SAMMSON: variants seen among roughly 807,000 people sequenced by gnomAD.
The protein encoded by SAMMSON is long intergenic non-protein coding RNA 1212.
chr3:70,270,897 T>G (rs1186054853), intron 6 of SAMMSON, among the ~76,000 whole-genome samples: 1 of 152,068 alleles, frequency 6.6e-6, no homozygotes, highest in Non-Finnish European at 1.5e-5. Flanking sequence ...GATGGGGGTC[T>G]AGGCAAGGGA....
intron 2 of SAMMSON, among the ~76,000 whole-genome samples, chr3:70,417,714 G>A (rs1343878258): frequency 2.0e-5 from 3 of 151,876 alleles, no homozygotes; most frequent in Non-Finnish European, 4.4e-5. Flanking sequence ...GTAACTCAAG[G>A]TCTTCATGAT....
intron 3 of SAMMSON, among the ~76,000 whole-genome samples, chr3:70,037,062 G>A (rs2067088053): frequency 6.6e-6 from 1 of 152,028 alleles, no homozygotes; most frequent in Admixed American, 6.6e-5. Flanking sequence ...ACAGGAGGAT[G>A]TGGTATGTTT....
intron 4 of SAMMSON, among the ~76,000 whole-genome samples, chr3:70,084,386 G>C (rs1050824209): frequency 2.0e-5 from 3 of 152,176 alleles, no homozygotes; most frequent in African/African-American, 7.2e-5. Flanking sequence ...TCTTTCATTA[G>C]GAGCGTCTAA....
intron 9 of SAMMSON, among the ~76,000 whole-genome samples, chr3:70,383,886 G>A (rs533554131): frequency 1.3e-5 from 2 of 152,042 alleles, no homozygotes; most frequent in South Asian, 4.2e-4. Context: ...CATGCTTTCT[G>A]CTGTGAATTT....
intron 9 of SAMMSON, among the ~76,000 whole-genome samples, chr3:70,374,939 T>C (rs1036676360): frequency 2.0e-5 from 3 of 152,156 alleles, no homozygotes; most frequent in Admixed American, 1.3e-4. Context: ...TCTTAACCCT[T>C]CAACATTTCT....
chr3:70,297,566 T>C (rs892252843), intron 7 of SAMMSON, among the ~76,000 whole-genome samples: 2 of 152,140 alleles, frequency 1.3e-5, no homozygotes, highest in African/African-American at 4.8e-5. Context: ...TGTGGAGCAA[T>C]ATGTATATTT....
chr3:70,133,940 G>T (rs551285188), intron 4 of SAMMSON, among the ~76,000 whole-genome samples: 1 of 151,998 alleles, frequency 6.6e-6, no homozygotes, highest in East Asian at 1.9e-4. Flanking sequence ...CTTGCTAGGT[G>T]GTTGTAAAAT....
chr3:70,005,352 G>A (rs1232902174), intron 1 of SAMMSON, among the ~76,000 whole-genome samples: 1 of 139,908 alleles, frequency 7.1e-6, no homozygotes, highest in African/African-American at 2.6e-5. Context: ...CAGTTCTTCT[G>A]TTCCATATGG....
intron 4 of SAMMSON, among the ~76,000 whole-genome samples, chr3:70,152,795 T>C (rs192309427): frequency 6.6e-6 from 1 of 152,176 alleles, no homozygotes; most frequent in Admixed American, 6.6e-5. Context: ...TGTTTAGACT[T>C]TTCCAGTGAA....
At chr3:70,091,281 G>C (rs896174767) in intron 4 of SAMMSON, among the ~76,000 whole-genome samples, 1 of 152,124 alleles carries the variant, frequency 6.6e-6, no homozygotes, top group African/African-American at 2.4e-5. Context: ...AAGCCCTCAG[G>C]CATGGGTCGC....
chr3:70,258,245 T>C (rs114123343), intron 6 of SAMMSON, among the ~76,000 whole-genome samples: 169 of 152,270 alleles, frequency 1.1e-3, no homozygotes, highest in African/African-American at 3.9e-3. Flanking sequence ...AACAATTTCT[T>C]AGATCAGACA....
chr3:70,292,010 T>G (rs1702243952), intron 7 of SAMMSON: 1 of 152,192 alleles, frequency 6.6e-6, no homozygotes, highest in African/African-American at 2.4e-5. Flanking sequence ...ACACGATGGT[T>G]TCAAAGCTGA....
At chr3:70,348,960 G>T (rs1331909745) in intron 7 of SAMMSON, among the ~76,000 whole-genome samples, 3 of 152,128 alleles carry the variant, frequency 2.0e-5, no homozygotes, top group Non-Finnish European at 4.4e-5. Flanking sequence ...CAGGGAGCAG[G>T]TCAAGCATCC....
At chr3:70,337,298 T>A (rs1702672618) in intron 7 of SAMMSON, among the ~76,000 whole-genome samples, 1 of 151,264 alleles carries the variant, frequency 6.6e-6, no homozygotes, top group Non-Finnish European at 1.5e-5. Context: ...AATTTTAAAA[T>A]AATTGCTCTG....
intron 6 of SAMMSON, among the ~76,000 whole-genome samples, chr3:70,264,630 T>G (rs1329600820): frequency 1.3e-5 from 2 of 152,266 alleles, no homozygotes; most frequent in Non-Finnish European, 2.9e-5. Context: ...AAATGTTTAC[T>G]GAGCACTGAA....
At chr3:70,241,924 G>C (rs1701669736) in intron 4 of SAMMSON, among the ~76,000 whole-genome samples, 1 of 152,164 alleles carries the variant, frequency 6.6e-6, no homozygotes, top group Non-Finnish European at 1.5e-5. Flanking sequence ...GTGCTCAAAA[G>C]TTTCATTCTA....
chr3:70,137,496 C>G (rs992142033), intron 4 of SAMMSON: 2 of 152,076 alleles, frequency 1.3e-5, no homozygotes, highest in Non-Finnish European at 1.5e-5. Flanking sequence ...TATTGGGACA[C>G]AATCATGCTC....
chr3:70,300,931 C>T (rs999676163), intron 7 of SAMMSON, among the ~76,000 whole-genome samples: 18 of 151,928 alleles, frequency 1.2e-4, no homozygotes, highest in South Asian at 4.2e-4. Flanking sequence ...TCAAGAAAGC[C>T]GTTAGTGCAA....
chr3:70,346,149 A>C (rs1702748877), intron 7 of SAMMSON, among the ~76,000 whole-genome samples: 1 of 152,158 alleles, frequency 6.6e-6, no homozygotes, highest in Non-Finnish European at 1.5e-5. Context: ...AATTGATATC[A>C]TTAATTTTTT....
Sources: allele counts gnomAD v4.1 joint callset (sites outside exome capture counted in the v4.1 genomes callset), GRCh38; gene constraint gnomAD v4.1.1; transcripts MANE v1.5; gene names NCBI Gene and HGNC (gene_info 2026-07-23, HGNC 2026-07-21).